The following SFI1 variants were observed in gnomAD, a reference collection of about 807,000 sequenced individuals.
SFI1 encodes SFI1 centrin binding protein.
Under a neutral mutation model 207.5 loss-of-function variants are expected in SFI1, and 195 were observed. That is an observed-to-expected ratio of 0.94 (90% CI 0.84 to 1.06). The LOEUF (loss-of-function observed/expected upper bound fraction) is 1.06. SFI1 is among the 50% of genes least tolerant of loss of function. SFI1 has a pLI of 0.00. For synonymous variants in SFI1, 630 were observed against 598.9 expected (o/e 1.05, Z -0.76); for missense variants, 1,634 against 1,588.0 (o/e 1.03, Z -0.49).
chr22:31,604,957 G>T lies in SFI1; in HGVS notation c.2054+12G>T. The T allele has an allele frequency of 6.3e-7, 1 of 1,587,454 alleles. No individual in the cohort carries two copies. The highest frequency in any genetic ancestry group is 8.6e-7 in the Non-Finnish European group (1 of 1,166,840). On this transcript the variant is annotated intron_variant, in intron 20 of 32. Transcript: ENST00000400288. Reference sequence around the variant, plus strand: ...AGGCAGCTGCTGCGGTGAGTCTCCCGGGCGCCTCCCAAGCTCCAGCTGGGG... The same window carrying T: ...AGGCAGCTGCTGCGGTGAGTCTCCCTGGCGCCTCCCAAGCTCCAGCTGGGG...
intron 2 of SFI1, among the ~76,000 whole-genome samples, chr22:31,527,791 A>C (rs1476184178): frequency 6.6e-6 from 1 of 152,110 alleles, no homozygotes; most frequent in Non-Finnish European, 1.5e-5. Flanking sequence ...CCTGGGCAAT[A>C]TAGTGAGACC....
At chr22:31,520,285 C>T (rs183824464) in intron 2 of SFI1, among the ~76,000 whole-genome samples, 31 of 152,012 alleles carry the variant, frequency 2.0e-4, no homozygotes, top group African/African-American at 7.5e-4. Context: ...ATGGTAATTA[C>T]TTTCTCACTT....
chr22:31,529,849 G>A (rs183463585), intron 3 of SFI1, among the ~76,000 whole-genome samples: 2 of 152,154 alleles, frequency 1.3e-5, no homozygotes, highest in African/African-American at 4.8e-5. Context: ...TGTGTTTTAA[G>A]TTGAGCTCAA....
intron 2 of SFI1, among the ~76,000 whole-genome samples, chr22:31,513,032 G>A (rs1163276218): frequency 6.6e-6 from 1 of 152,156 alleles, no homozygotes; most frequent in African/African-American, 2.4e-5. Context: ...TGTTGGCCAG[G>A]CTGGTCTCAA....
At chr22:31,591,914 C>G (rs1294709523) in intron 15 of SFI1, among the ~76,000 whole-genome samples, 3 of 19,876 alleles carry the variant, frequency 1.5e-4, no homozygotes, top group African/African-American at 3.3e-4. Context: ...GCTGACCCCC[C>G]CCACCTCCCT....
chr22:31,520,674 T>TA lies in SFI1; in HGVS notation c.93-8009dup, dbSNP rs2057119065. On this transcript the variant is annotated intron_variant, in intron 2 of 32. Coordinates refer to ENST00000400288, the MANE Select transcript of SFI1 (RefSeq NM_001007467.3). ...TCATAATTAAAATCCAGGGAGTATC[T>TA]AAAAAAATAGTCATCTCAATCAAAA... Among the ~76,000 whole-genome samples, 14 of 151,628 alleles carry TA rather than the reference T, an allele frequency of 9.2e-5. No individual in the cohort carries two copies. In the Admixed American group the frequency reaches 9.2e-4, roughly 10 times the overall value.
chr22:31,538,896 C>T (rs2059233644), intron 4 of SFI1, among the ~76,000 whole-genome samples: 1 of 152,104 alleles, frequency 6.6e-6, no homozygotes, highest in South Asian at 2.1e-4. Context: ...GATGTGTATG[C>T]CCAGCCAAGA....
intron 5 of SFI1, among the ~76,000 whole-genome samples, chr22:31,548,408 T>TA (rs1406360500): frequency 6.8e-6 from 1 of 147,152 alleles, no homozygotes; most frequent in African/African-American, 2.5e-5. Context: ...TTGTCTCTAT[T>TA]AAAAAACAAA....
chr22:31,501,361 C>T (rs1330313240), intron 1 of SFI1, among the ~76,000 whole-genome samples: 2 of 151,590 alleles, frequency 1.3e-5, no homozygotes, highest in Non-Finnish European at 2.9e-5. Flanking sequence ...TTAGTAGAGA[C>T]GGGGTTTCAC....
rs541783247 is a variant in SFI1, at chr22:31,514,122, C to T, written c.92+5746C>T. 2.5e-4 allele frequency among the ~76,000 whole-genome samples: 34 copies of T among 134,222 alleles called. No homozygotes were observed. The East Asian group carries it at 6.9e-3, about 27-fold the overall frequency. The allele number at this position is 134,222 out of a possible 152,430, so 88.1% of individuals were successfully genotyped here. A position where few individuals can be genotyped will look rare whatever the true frequency, so the allele number is the denominator to read the frequency against. On this transcript the variant is annotated intron_variant, in intron 2 of 32. Transcript: ENST00000400288. ...TGCCACTGCACTCCAGCCCGGGTGA[C>T]GGAGTGAAACTCCATCTCAAAAAAA...
intron 2 of SFI1, among the ~76,000 whole-genome samples, chr22:31,518,698 G>A (rs1201136199): frequency 6.6e-6 from 1 of 152,104 alleles, no homozygotes; most frequent in Non-Finnish European, 1.5e-5. Flanking sequence ...TTTCAGAAGG[G>A]TTCCCACCAT....
At chr22:31,548,905 A>G (rs1306570106) in intron 5 of SFI1, among the ~76,000 whole-genome samples, 1 of 152,102 alleles carries the variant, frequency 6.6e-6, no homozygotes, top group Admixed American at 6.6e-5. Flanking sequence ...TAGTGTATGT[A>G]TCAAGAAGAA....
At chr22:31,496,238 G>A (rs2052635050), upstream of SFI1, 1 of 152,260 alleles carries the variant, frequency 6.6e-6, no homozygotes, top group African/African-American at 2.4e-5. Flanking sequence ...GTTCCGCCTC[G>A]GAATACCTCC....
chr22:31,613,951 G>A, intron 27 of SFI1, 96 bp downstream of exon 27: 1 of 1,415,946 alleles, frequency 7.1e-7, no homozygotes, highest in Non-Finnish European at 9.3e-7. Flanking sequence ...GGATGGGACG[G>A]GCTGGTCACG....
intron 15 of SFI1, among the ~76,000 whole-genome samples, chr22:31,596,951 AAAACGCGCACACACGGTACCCGTTTCT>A (rs2067217879): frequency 8.2e-5 from 12 of 146,108 alleles, no homozygotes; most frequent in Admixed American, 1.4e-4. Flanking sequence ...TTCAGTACTG[AAAACGCGCACACACGGTACCCGTTTCT>A]AAATGGCTTC....
intron 31 of SFI1, among the ~76,000 whole-genome samples, chr22:31,617,456 C>A (rs7287509): frequency 6.6e-6 from 1 of 152,138 alleles, no homozygotes; most frequent in Non-Finnish European, 1.5e-5. Context: ...CGCAGTGACT[C>A]ACACCTGTCA....
At chr22:31,578,795 T>C (rs2063784299) in intron 11 of SFI1, among the ~76,000 whole-genome samples, 1 of 152,166 alleles carries the variant, frequency 6.6e-6, no homozygotes, top group Admixed American at 6.6e-5. Context: ...AGTCCGTCCC[T>C]GTTCTACCTG....
At chr22:31,594,106 A>G (rs2066673516) in intron 15 of SFI1, among the ~76,000 whole-genome samples, 1 of 152,136 alleles carries the variant, frequency 6.6e-6, no homozygotes, top group Admixed American at 6.5e-5. Context: ...GAGCTCCATT[A>G]AAGCAGCCCA....
intron 1 of SFI1, among the ~76,000 whole-genome samples, chr22:31,504,224 C>T (rs998202546): frequency 4.6e-5 from 7 of 152,252 alleles, no homozygotes; most frequent in East Asian, 1.9e-4. Flanking sequence ...GGCGGTGACA[C>T]ATTGATTATA....
Sources: allele counts gnomAD v4.1 joint callset (sites outside exome capture counted in the v4.1 genomes callset), GRCh38; gene constraint gnomAD v4.1.1; transcripts MANE v1.5; gene names NCBI Gene and HGNC (gene_info 2026-07-23, HGNC 2026-07-21).